Variants in BLTP1 observed in about 807,000 individuals in gnomAD.
BLTP1 encodes the protein bridge-like lipid transfer protein family member 1.
At chr4:122,289,345 T>C in the BLTP1 span, 1 of 467,608 alleles carries the variant, frequency 2.1e-6, no homozygotes, top group African/African-American at 2.1e-5. Context: ...TTTATGGCTT[T>C]TCCACCTACA....
At chr4:122,227,222 C>T in the BLTP1 span, 1,267 of 991,098 alleles carry the variant, frequency 1.3e-3, 21 homozygotes, top group African/African-American at 0.019. Context: ...CTGGACATGC[C>T]GTTTCTCCCA....
chr4:122,306,419 T>G, the BLTP1 span: 1 of 218,932 alleles, frequency 4.6e-6, no homozygotes, highest in Admixed American at 6.5e-5. Flanking sequence ...AACAACAGTA[T>G]CCCTGCCCTC....
the BLTP1 span, chr4:122,204,568 G>A: frequency 2.2e-3 from 2,184 of 984,898 alleles, 92 homozygotes; most frequent in Admixed American, 0.082. Context: ...TGCCTTCTCT[G>A]TAATATTATG....
chr4:122,281,550 A>C, the BLTP1 span: 1 of 1,595,170 alleles, frequency 6.3e-7, no homozygotes, highest in Non-Finnish European at 8.5e-7. Context: ...CAGCCTGTAA[A>C]AGAAGATATT....
the BLTP1 span, among the ~76,000 whole-genome samples, chr4:122,311,248 A>G: frequency 6.6e-6 from 1 of 152,184 alleles, no homozygotes; most frequent in Non-Finnish European, 1.5e-5. Context: ...ACCTCAGTAT[A>G]TATTCTGTTA....
At chr4:122,295,731 A>G in the BLTP1 span, among the ~76,000 whole-genome samples, 3 of 152,196 alleles carry the variant, frequency 2.0e-5, no homozygotes, top group Non-Finnish European at 4.4e-5. Flanking sequence ...AGCATATCAA[A>G]AAGCTTATCC....
the BLTP1 span, chr4:122,202,610 TA>T: frequency 1.4e-6 from 1 of 699,932 alleles, no homozygotes; most frequent in African/African-American, 1.9e-5. Context: ...TCTTTTAAAA[TA>T]GATACCTATC....
chr4:122,264,101 T>C, the BLTP1 span: 11 of 1,225,632 alleles, frequency 9.0e-6, no homozygotes, highest in Non-Finnish European at 1.1e-5. Context: ...TAAAATAACC[T>C]AAAAGTATGC....
the BLTP1 span, among the ~76,000 whole-genome samples, chr4:122,235,811 G>GA: frequency 4.7e-4 from 65 of 138,152 alleles, no homozygotes; most frequent in Non-Finnish European, 5.4e-4. Context: ...TCTCAAAAAA[G>GA]AAAAAAAAAA....
chr4:122,298,156 T>A, the BLTP1 span: 1 of 734,338 alleles, frequency 1.4e-6, no homozygotes, highest in Non-Finnish European at 1.7e-6. Context: ...TTGATTCTTA[T>A]TACTTAGATA....
At chr4:122,238,423 ACTT>A in the BLTP1 span, 7 of 1,261,544 alleles carry the variant, frequency 5.5e-6, no homozygotes, top group East Asian at 7.0e-5. Flanking sequence ...GGCAAGAAAA[ACTT>A]CTTCCCTCTC....
the BLTP1 span, chr4:122,219,555 G>C: frequency 6.2e-7 from 1 of 1,613,180 alleles, no homozygotes; most frequent in Non-Finnish European, 8.5e-7. Flanking sequence ...AAGTTCATGG[G>C]CGTCTTCCTG....
At chr4:122,204,566 C>T in the BLTP1 span, 2 of 984,756 alleles carry the variant, frequency 2.0e-6, no homozygotes. Flanking sequence ...TTTGCCTTCT[C>T]TGTAATATTA....
the BLTP1 span, chr4:122,328,758 A>G: frequency 1.0e-6 from 1 of 983,572 alleles, no homozygotes; most frequent in Non-Finnish European, 1.2e-6. Context: ...GCAATGGATG[A>G]AAGACTTAAG....
the BLTP1 span, chr4:122,302,084 G>A: frequency 4.1e-6 from 1 of 245,058 alleles, no homozygotes; most frequent in Non-Finnish European, 6.5e-6. Flanking sequence ...AACAAACAAA[G>A]ACTATATTAT....
the BLTP1 span, chr4:122,327,955 A>G: frequency 1.9e-6 from 1 of 526,374 alleles, no homozygotes; most frequent in East Asian, 3.7e-5. Context: ...TTGGTGTACT[A>G]TTTCATATGT....
the BLTP1 span, chr4:122,190,190 A>G: frequency 2.2e-6 from 3 of 1,351,104 alleles, no homozygotes; most frequent in South Asian, 1.5e-5. Flanking sequence ...TTGACCTTCC[A>G]GGCTCAAACA....
At chr4:122,171,662 T>TAA in the BLTP1 span, 1 of 99,930 alleles carries the variant, frequency 1.0e-5, no homozygotes, top group Non-Finnish European at 1.7e-5. Context: ...TTTTTTTTTC[T>TAA]GAGGGGATGC....
the BLTP1 span, among the ~76,000 whole-genome samples, chr4:122,352,360 T>C: frequency 1.2e-4 from 17 of 146,426 alleles, no homozygotes; most frequent in East Asian, 5.9e-4. Flanking sequence ...TTTTTCTTTT[T>C]TTTTTTTTTT....
Sources: allele counts gnomAD v4.1 joint callset (sites outside exome capture counted in the v4.1 genomes callset), GRCh38; gene constraint gnomAD v4.1.1; transcripts MANE v1.5; gene names NCBI Gene and HGNC (gene_info 2026-07-23, HGNC 2026-07-21).